Variants in PTCHD4 observed in about 807,000 individuals in gnomAD.
PTCHD4 encodes patched domain containing 4.
A neutral mutation model predicts 58.1 loss-of-function variants in PTCHD4; 33 were observed. That is an observed-to-expected ratio of 0.57 (90% confidence interval 0.43 to 0.76). The LOEUF is 0.76. Ranked by LOEUF, PTCHD4 falls within the 30% of genes least tolerant of loss-of-function variation. The pLI, the probability that PTCHD4 is intolerant of heterozygous loss-of-function variation, is 0.00. For synonymous variants in PTCHD4, 478 were observed against 409.6 expected (o/e 1.17, Z -2.02); for missense variants, 1,058 against 1,027.1 (o/e 1.03, Z -0.41).
intron 4 of PTCHD4, among the ~76,000 whole-genome samples, chr6:47,917,690 A>G (rs1438356072): frequency 6.6e-6 from 1 of 152,168 alleles, no homozygotes; most frequent in African/African-American, 2.4e-5. Flanking sequence ...ATGAATGTAC[A>G]GTATATATGT....
At chr6:48,070,813 A>T (rs1764963350) in intron 1 of PTCHD4, among the ~76,000 whole-genome samples, 1 of 152,184 alleles carries the variant, frequency 6.6e-6, no homozygotes, top group African/African-American at 2.4e-5. Context: ...TATATAATGT[A>T]TTCCATTAGT....
Position 48,012,475 on chromosome 6 carries a change from T to G in PTCHD4, c.418-3361A>C, listed in dbSNP as rs577474674. Among the ~76,000 whole-genome samples, 6 of 152,326 alleles carry G rather than the reference T, an allele frequency of 3.9e-5. No individual in the cohort carries two copies. In the East Asian group the frequency reaches 1.2e-3, roughly 29 times the overall value. On this transcript the variant is annotated intron_variant, in intron 3 of 4. Coordinates refer to ENST00000339488, the MANE Select transcript of PTCHD4 (RefSeq NM_001384253.1). ...TTATCAGCTTAAGGAGATTTGGGAC[T>G]GAGACAGTGGGATTTTCTAAATGTA... is the stretch of plus-strand genomic sequence containing the variant.
chr6:47,878,370 C>A lies in PTCHD4; in HGVS notation c.2465G>T (p.Arg822Leu). Residue 822 changes from arginine to leucine, a missense_variant, in exon 5 of 5, where the codon CGA becomes CTA. Arg to Leu is a moderately radical substitution (Grantham distance 102, BLOSUM62 -2). Transcript: ENST00000339488. ...GCATTCAATTTCCTCTCTCTCCTTT[C>A]GCTTGGCACGTTTCTTTTTCTTGTG... ...KHHKKKKRAKRKEREEIECIE... is the reference protein window; with the variant it reads ...KHHKKKKRAKLKEREEIECIE... 1 of 1,611,918 alleles carries A rather than the reference C, an allele frequency of 6.2e-7. No individual in the cohort carries two copies. Among genetic ancestry groups the A allele is most frequent in the Non-Finnish European group, 8.5e-7 (1 of 1,179,088 alleles).
chr6:48,073,332 A>T (rs1765008609), intron 1 of PTCHD4, among the ~76,000 whole-genome samples: 1 of 152,244 alleles, frequency 6.6e-6, no homozygotes, highest in Non-Finnish European at 1.5e-5. Flanking sequence ...TGGACACAGA[A>T]TAGCTGAGTT....
rs1561954571 is a variant in PTCHD4, at chr6:47,914,740, TCTATTATCTATCTATC to T, written c.899-34820_899-34805del. Reference sequence around the variant, plus strand: ...TGTCTGTCTATCTATCTATTATCTATCTATTATCTATCTATCTATCTATCTATCTATCTATCTATCT... The same window carrying T: ...TGTCTGTCTATCTATCTATTATCTATTATCTATCTATCTATCTATCTATCT... On this transcript the variant is annotated intron_variant, in intron 4 of 4. Transcript: ENST00000339488. Among the ~76,000 whole-genome samples, 341 of 146,170 alleles carry T rather than the reference TCTATTATCTATCTATC, an allele frequency of 2.3e-3. 2 individuals are homozygous for T. Among genetic ancestry groups the T allele is most frequent in the African/African-American group, 5.7e-3 (227 of 39,634 alleles).
intron 1 of PTCHD4, among the ~76,000 whole-genome samples, chr6:48,088,889 C>CA (rs1319450622): frequency 6.6e-6 from 1 of 151,978 alleles, no homozygotes; most frequent in African/African-American, 2.4e-5. Flanking sequence ...CCTAAAAATA[C>CA]AAAAAATTAG....
intron 1 of PTCHD4, among the ~76,000 whole-genome samples, chr6:48,077,356 T>G (rs1038795224): frequency 6.6e-6 from 1 of 152,256 alleles, no homozygotes; most frequent in Non-Finnish European, 1.5e-5. Context: ...CTTCTTCTAG[T>G]ATAAAGCTGC....
In PTCHD4 at chr6:47,876,999, G is replaced by T. The variant is rs1038657275; in HGVS notation, c.*1304C>A. ...AACAAGAGCAACACTATTGTGAGAAGCTACAAATGGTACTGCAGTAGGTGT... is the reference window on the plus strand; with the variant it reads ...AACAAGAGCAACACTATTGTGAGAATCTACAAATGGTACTGCAGTAGGTGT... On this transcript the variant is annotated 3_prime_UTR_variant, in exon 5 of 5. Transcript: ENST00000339488. Among the ~76,000 whole-genome samples, 7 of 151,998 alleles carry T rather than the reference G, an allele frequency of 4.6e-5. No individual in the cohort carries two copies. Among genetic ancestry groups the T allele is most frequent in the African/African-American group, 1.7e-4 (7 of 41,420 alleles).
At chr6:48,066,346 AC>A (rs1198203723) in intron 3 of PTCHD4, among the ~76,000 whole-genome samples, 3 of 152,196 alleles carry the variant, frequency 2.0e-5, no homozygotes, top group South Asian at 4.1e-4. Flanking sequence ...GGCTGATTGA[AC>A]AAAAATTTTA....
chr6:47,885,690 TCCAG>T, intron 4 of PTCHD4, among the ~76,000 whole-genome samples: 1 of 152,336 alleles, frequency 6.6e-6, no homozygotes, highest in South Asian at 2.1e-4. Context: ...GAGAAACAGC[TCCAG>T]CCTTCCTTTA....
chr6:48,074,206 G>A (rs755365381), intron 1 of PTCHD4, among the ~76,000 whole-genome samples: 2 of 151,998 alleles, frequency 1.3e-5, no homozygotes, highest in Non-Finnish European at 2.9e-5. Flanking sequence ...TTGGTCTTTA[G>A]CATTTTGGTT....
intron 4 of PTCHD4, among the ~76,000 whole-genome samples, chr6:47,988,765 C>T (rs527526426): frequency 7.2e-5 from 11 of 152,192 alleles, no homozygotes; most frequent in Non-Finnish European, 1.3e-4. Context: ...CCATGTGGAA[C>T]TGTAAGGCCA....
intron 1 of PTCHD4, among the ~76,000 whole-genome samples, chr6:48,108,855 A>G (rs910305467): frequency 6.6e-6 from 1 of 151,884 alleles, no homozygotes; most frequent in Admixed American, 6.6e-5. Context: ...TTTGGAAAAC[A>G]TTAATAAACA....
rs916112063 is a variant in PTCHD4 at position 47,866,452 on chromosome 6, G to C, written c.*11851C>G. 6.6e-6 allele frequency among the ~76,000 whole-genome samples: 1 copy of C among 151,602 alleles called. No individual in the cohort carries two copies. The highest frequency in any genetic ancestry group is 2.4e-5 in the African/African-American group (1 of 41,324). On this transcript the variant is annotated 3_prime_UTR_variant, in exon 5 of 5. Coordinates refer to ENST00000339488, the MANE Select transcript of PTCHD4 (RefSeq NM_001384253.1). ...GAACCACTAGCTTTGTTACTCCTAG[G>C]GTTATCCAAAATGTCTCTTAGAGTG...
chr6:47,908,447 G>A (rs1581860771), intron 4 of PTCHD4, among the ~76,000 whole-genome samples: 1 of 152,254 alleles, frequency 6.6e-6, no homozygotes, highest in Middle Eastern at 3.4e-3. Flanking sequence ...AATGCCTCCA[G>A]GACAGAGAGC....
At chr6:47,942,677 C>T (rs1360112545) in intron 4 of PTCHD4, among the ~76,000 whole-genome samples, 1 of 152,208 alleles carries the variant, frequency 6.6e-6, no homozygotes, top group Admixed American at 6.5e-5. Context: ...CAGATCTCCT[C>T]ATACTGTAGC....
At chr6:47,885,565 T>C (rs1239079355) in intron 4 of PTCHD4, among the ~76,000 whole-genome samples, 2 of 152,210 alleles carry the variant, frequency 1.3e-5, no homozygotes, top group Admixed American at 6.5e-5. Context: ...ACAAAACTGA[T>C]ACCAGTCCTC....
At chr6:48,023,903 A>T (rs1763153219) in intron 3 of PTCHD4, among the ~76,000 whole-genome samples, 1 of 152,164 alleles carries the variant, frequency 6.6e-6, no homozygotes, top group South Asian at 2.1e-4. Flanking sequence ...TTACCATAGC[A>T]ATGATGGCAA....
chr6:47,908,869 A>G (rs1764981592), intron 4 of PTCHD4, among the ~76,000 whole-genome samples: 1 of 152,180 alleles, frequency 6.6e-6, no homozygotes, highest in African/African-American at 2.4e-5. Flanking sequence ...GTAAAACTGT[A>G]GGTGACTAAT....
Sources: gnomAD v4.1 joint callset for allele counts (sites outside exome capture counted in the v4.1 genomes callset) on GRCh38, gnomAD v4.1.1 for gene constraint, MANE v1.5 for transcripts, NCBI Gene and HGNC (gene_info 2026-07-23, HGNC 2026-07-21) for gene names.